Variants in PXDNL observed in about 807,000 individuals in gnomAD.
PXDNL encodes peroxidasin like.
Under a neutral mutation model 150.8 loss-of-function variants are expected in PXDNL, and 145 were observed. That is an observed-to-expected ratio of 0.96 (90% CI 0.84 to 1.10). The LOEUF (loss-of-function observed/expected upper bound fraction) is 1.10, where lower values mean the gene tolerates loss of function less well. Among genes scored for constraint, PXDNL ranks in the 50% least tolerant of loss-of-function variants. The pLI, the probability that PXDNL is intolerant of heterozygous loss-of-function variation, is 0.00. For missense variants in PXDNL, 2,087 were observed against 1,873.9 expected, an observed-to-expected ratio of 1.11 and a Z score of -2.10; for synonymous variants, 757 against 725.7, an observed-to-expected ratio of 1.04 and a Z score of -0.69.
chr8:51,324,142 C>A (rs976911010), intron 21 of PXDNL, among the ~76,000 whole-genome samples: 1 of 152,094 alleles, frequency 6.6e-6, no homozygotes, highest in Non-Finnish European at 1.5e-5. Flanking sequence ...ATGTTGTATC[C>A]TGTAACCTTG....
chr8:51,752,456 T>A lies in PXDNL; in HGVS notation c.164+56725A>T, dbSNP rs554175464. 7.9e-5 allele frequency among the ~76,000 whole-genome samples: 12 copies of A among 152,336 alleles called. No homozygotes were observed. The South Asian group carries it at 2.5e-3, about 32-fold the overall frequency. Reference sequence around the variant, plus strand: ...CATTCCAGCCTTTGTATAAGGGCACTGGCTCTCTCAGCTTTTAATATTTAA... The same window carrying A: ...CATTCCAGCCTTTGTATAAGGGCACAGGCTCTCTCAGCTTTTAATATTTAA... On this transcript the variant is annotated intron_variant, in intron 1 of 22. Coordinates refer to ENST00000356297, the MANE Select transcript of PXDNL (RefSeq NM_144651.5).
At chr8:51,437,590 C>T (rs184300585) in intron 12 of PXDNL, among the ~76,000 whole-genome samples, 5 of 152,236 alleles carry the variant, frequency 3.3e-5, no homozygotes, top group African/African-American at 1.2e-4. Context: ...ACATAAATCA[C>T]ATGATCATAT....
At position 51,608,015 on chromosome 8, in the gene PXDNL, A is replaced by G. The variant is rs1290550067; in HGVS notation, c.237-15317T>C. Among the ~76,000 whole-genome samples the G allele has an allele frequency of 5.0e-4, 33 of 66,394 alleles. 3 individuals carry two copies. The highest frequency in any genetic ancestry group is 2.5e-3 in the African/African-American group (32 of 12,638). 43.6% of individuals were successfully genotyped at this position (66,394 alleles called of 152,430 possible). ...AGAGGAAGGAAGGAAGAAAGAAAGA[A>G]AGAAAGAAAGAAAGAAAGAAAGAAA... On this transcript the variant is annotated intron_variant, in intron 2 of 22. Coordinates refer to ENST00000356297, the MANE Select transcript of PXDNL (RefSeq NM_144651.5).
intron 3 of PXDNL, among the ~76,000 whole-genome samples, chr8:51,559,644 C>G (rs1226467864): frequency 6.6e-6 from 1 of 151,970 alleles, no homozygotes. Flanking sequence ...CCACTTTTTA[C>G]AGATGAAGGG....
intron 19 of PXDNL, among the ~76,000 whole-genome samples, chr8:51,352,706 C>G (rs1806389435): frequency 6.6e-6 from 1 of 152,092 alleles, no homozygotes; most frequent in Non-Finnish European, 1.5e-5. Context: ...TGTAAATTAT[C>G]CAATCTCAGG....
chr8:51,404,705 C>T (rs1168789601), intron 17 of PXDNL, among the ~76,000 whole-genome samples: 1 of 152,238 alleles, frequency 6.6e-6, no homozygotes, highest in Non-Finnish European at 1.5e-5. Flanking sequence ...AATCCCTTAG[C>T]TAGACATAAA....
At chr8:51,332,878 G>A (rs1247703242) in intron 21 of PXDNL, among the ~76,000 whole-genome samples, 1 of 152,156 alleles carries the variant, frequency 6.6e-6, no homozygotes, top group Non-Finnish European at 1.5e-5. Context: ...GTGTTCCTTA[G>A]GAAGAAGACA....
chr8:51,654,688 C>G lies in PXDNL; in HGVS notation c.236+1G>C. The G allele has an allele frequency of 6.2e-7, 1 of 1,610,030 alleles. No individual in the cohort carries two copies. Among genetic ancestry groups the G allele is most frequent in the Non-Finnish European group, 8.5e-7 (1 of 1,176,734 alleles). ...CTTACAGATAAGCAATAAGTACTCACAGTGTGTTCAAATTCTTGAGTTTCT... is the reference window on the plus strand; with the variant it reads ...CTTACAGATAAGCAATAAGTACTCAGAGTGTGTTCAAATTCTTGAGTTTCT... On this transcript the variant is annotated splice_donor_variant, in intron 2 of 22. Transcript: ENST00000356297. LOFTEE classifies it high-confidence loss of function.
chr8:51,405,539 T>G (rs2130878120), intron 17 of PXDNL, among the ~76,000 whole-genome samples: 1 of 152,204 alleles, frequency 6.6e-6, no homozygotes, highest in Non-Finnish European at 1.5e-5. Flanking sequence ...CACTTGTAAA[T>G]TAATACAAAA....
At chr8:51,429,452 G>A (rs1338940458) in intron 12 of PXDNL, among the ~76,000 whole-genome samples, 3 of 152,070 alleles carry the variant, frequency 2.0e-5, no homozygotes, top group African/African-American at 2.4e-5. Context: ...GTGGAGGTGT[G>A]AGCCTTTAAT....
chr8:51,380,652 T>C (rs1471783022), intron 17 of PXDNL, among the ~76,000 whole-genome samples: 1 of 152,210 alleles, frequency 6.6e-6, no homozygotes, highest in Non-Finnish European at 1.5e-5. Flanking sequence ...ATCTTTATCT[T>C]TTTCTTATGT....
At chr8:51,656,781 C>T (rs539049823) in intron 1 of PXDNL, among the ~76,000 whole-genome samples, 1 of 152,238 alleles carries the variant, frequency 6.6e-6, no homozygotes, top group Admixed American at 6.5e-5. Context: ...CATAATTTCA[C>T]GTGTGTATGT....
rs1331998312 is a variant in PXDNL at position 51,533,675 on chromosome 8, C to G, written c.380+23165G>C. Among the ~76,000 whole-genome samples the G allele has an allele frequency of 6.2e-3, 929 of 149,722 alleles. 11 individuals are homozygous for G. Among genetic ancestry groups the G allele is most frequent in the African/African-American group, 0.022 (885 of 40,510 alleles). ...GTTTTCGTTTTTTTTTTGGTGGAGACGGGGTTTTGCTGTGTTGGCCGGGCT... is the reference window on the plus strand; with the variant it reads ...GTTTTCGTTTTTTTTTTGGTGGAGAGGGGGTTTTGCTGTGTTGGCCGGGCT... On this transcript the variant is annotated intron_variant, in intron 4 of 22. Coordinates refer to ENST00000356297, the MANE Select transcript of PXDNL (RefSeq NM_144651.5).
At chr8:51,551,728 G>C (rs113533730) in intron 4 of PXDNL, among the ~76,000 whole-genome samples, 3,978 of 152,226 alleles carry the variant, frequency 0.026, 95 homozygotes, top group African/African-American at 0.061. Flanking sequence ...AATTCTAGAA[G>C]ATAACATTGT....
In PXDNL at chr8:51,424,633, C is replaced by T. The variant is rs139139010; in HGVS notation, c.1639-902G>A. On this transcript the variant is annotated intron_variant, in intron 13 of 22. Coordinates refer to ENST00000356297, the MANE Select transcript of PXDNL (RefSeq NM_144651.5). ...CTTTTAATTAATATAGACTTACATA[C>T]ATTTTCATTATTATGGATTTAATTT... Among the ~76,000 whole-genome samples, 1,162 of 152,126 alleles carry T rather than the reference C, an allele frequency of 7.6e-3. 5 individuals are homozygous for T. The highest frequency in any genetic ancestry group is 0.012 in the Admixed American group (191 of 15,286).
At chr8:51,636,511 G>A (rs1026240443) in intron 2 of PXDNL, among the ~76,000 whole-genome samples, 5 of 152,002 alleles carry the variant, frequency 3.3e-5, no homozygotes, top group Non-Finnish European at 7.4e-5. Flanking sequence ...CAGGTACAAA[G>A]TCAACATGCA....
chr8:51,328,358 T>C (rs1335457908), intron 21 of PXDNL, among the ~76,000 whole-genome samples: 4 of 152,246 alleles, frequency 2.6e-5, no homozygotes, highest in Non-Finnish European at 4.4e-5. Flanking sequence ...AAGAAGTTGC[T>C]GGAGGCTTCC....
chr8:51,358,320 T>C (rs2130741612), intron 19 of PXDNL, among the ~76,000 whole-genome samples: 1 of 152,346 alleles, frequency 6.6e-6, no homozygotes, highest in Middle Eastern at 3.4e-3. Context: ...TTTTGCTTTT[T>C]ACTTACGATA....
chr8:51,379,347 G>GAAA (rs1290102800), intron 17 of PXDNL, among the ~76,000 whole-genome samples: 2 of 152,120 alleles, frequency 1.3e-5, no homozygotes, highest in Non-Finnish European at 2.9e-5. Flanking sequence ...GGGCTAACCT[G>GAAA]AAAATATGTC....
Sources: allele counts gnomAD v4.1 joint callset (sites outside exome capture counted in the v4.1 genomes callset), GRCh38; gene constraint gnomAD v4.1.1; transcripts MANE v1.5; gene names NCBI Gene and HGNC (gene_info 2026-07-23, HGNC 2026-07-21).